Variants in PPFIA2 observed in about 807,000 individuals in gnomAD.
The protein encoded by PPFIA2 is PPFI scaffold protein A2.
PPFIA2 carries 46 observed loss-of-function variants against 175.5 expected under a neutral mutation model. That is an observed-to-expected ratio of 0.26 (90% CI 0.21 to 0.34). The LOEUF (loss-of-function observed/expected upper bound fraction) is 0.34. PPFIA2 is among the 10% of genes least tolerant of loss of function. The pLI is 1.00. For synonymous variants in PPFIA2, 568 were observed against 511.4 expected, an observed-to-expected ratio of 1.11 and a Z score of -1.49; for missense variants, 1,179 against 1,506.1, an observed-to-expected ratio of 0.78 and a Z score of 3.60.
At chr12:81,743,633 T>C (rs1015411236) in intron 3 of PPFIA2, among the ~76,000 whole-genome samples, 1 of 151,790 alleles carries the variant, frequency 6.6e-6, no homozygotes, top group African/African-American at 2.4e-5. Context: ...TGTCCAGGAA[T>C]AGCAAGGAGG....
chr12:81,651,171 A>T lies in PPFIA2; in HGVS notation c.303+25620T>A, dbSNP rs117821511. 9.3e-3 allele frequency among the ~76,000 whole-genome samples: 1,411 copies of T among 152,282 alleles called. 35 individuals are homozygous for T. The highest frequency in any genetic ancestry group is 0.024 in the Admixed American group (373 of 15,300). On this transcript the variant is annotated intron_variant, in intron 4 of 32. Coordinates refer to ENST00000549396, the MANE Select transcript of PPFIA2 (RefSeq NM_003625.5). ...GAGGATATTATAGTTTCATAAAAGG[A>T]TCTTCAGCATAGGGGACATTCCAAA...
At chr12:81,446,298 T>C (rs2051238537) in intron 5 of PPFIA2, among the ~76,000 whole-genome samples, 1 of 152,216 alleles carries the variant, frequency 6.6e-6, no homozygotes, top group Non-Finnish European at 1.5e-5. Context: ...AAGTTAAGGA[T>C]ACAGTTTTAA....
chr12:81,305,946 T>A (rs964611148), intron 22 of PPFIA2, among the ~76,000 whole-genome samples: 1 of 152,192 alleles, frequency 6.6e-6, no homozygotes, highest in Admixed American at 6.5e-5. Context: ...GGATGGTTTA[T>A]CTCTGTCAGT....
chr12:81,710,059 T>A (rs1241306390), intron 3 of PPFIA2, among the ~76,000 whole-genome samples: 1 of 152,070 alleles, frequency 6.6e-6, no homozygotes, highest in African/African-American at 2.4e-5. Flanking sequence ...CCTATTCTTC[T>A]ACTGGAAAGT....
At chr12:81,359,472 T>G (rs931037661) in intron 15 of PPFIA2, among the ~76,000 whole-genome samples, 6 of 151,830 alleles carry the variant, frequency 4.0e-5, no homozygotes, top group Non-Finnish European at 7.4e-5. Flanking sequence ...CTAGGCCATA[T>G]TCATAAAGGA....
intron 24 of PPFIA2, among the ~76,000 whole-genome samples, chr12:81,286,384 C>T (rs571696250): frequency 1.3e-5 from 2 of 152,100 alleles, no homozygotes; most frequent in South Asian, 2.1e-4. Context: ...ACTAAGTGCC[C>T]TATTCACGTG....
At chr12:81,393,733 A>T (rs1435266458) in intron 8 of PPFIA2, among the ~76,000 whole-genome samples, 1 of 152,072 alleles carries the variant, frequency 6.6e-6, no homozygotes, top group Non-Finnish European at 1.5e-5. Context: ...TAAGAGTATG[A>T]ATTTGAACTA....
intron 4 of PPFIA2, among the ~76,000 whole-genome samples, chr12:81,599,184 A>C (rs2059550039): frequency 6.6e-6 from 1 of 152,092 alleles, no homozygotes; most frequent in South Asian, 2.1e-4. Context: ...CTTCAGTAGG[A>C]TAGGAAACAG....
At chr12:81,461,689 C>T (rs962309294) in intron 4 of PPFIA2, among the ~76,000 whole-genome samples, 2 of 152,046 alleles carry the variant, frequency 1.3e-5, no homozygotes, top group Admixed American at 6.6e-5. Flanking sequence ...GATGGTCTAT[C>T]TTCTGCAACT....
intron 5 of PPFIA2, among the ~76,000 whole-genome samples, chr12:81,454,550 T>A (rs1333382702): frequency 6.6e-6 from 1 of 152,226 alleles, no homozygotes; most frequent in Non-Finnish European, 1.5e-5. Context: ...TCATTATTAC[T>A]CTCTATCTTC....
At chr12:81,531,842 T>C (rs1413750647) in intron 4 of PPFIA2, among the ~76,000 whole-genome samples, 2 of 151,846 alleles carry the variant, frequency 1.3e-5, no homozygotes. Flanking sequence ...TTAATAATAA[T>C]GGTACTGGTA....
intron 8 of PPFIA2, among the ~76,000 whole-genome samples, chr12:81,395,059 TC>T (rs1279285088): frequency 6.6e-6 from 1 of 151,964 alleles, no homozygotes; most frequent in African/African-American, 2.4e-5. Flanking sequence ...AAGTAAATCC[TC>T]CCAATCTGTG....
chr12:81,313,619 A>G (rs2051520089), intron 22 of PPFIA2, among the ~76,000 whole-genome samples: 2 of 152,108 alleles, frequency 1.3e-5, no homozygotes, highest in South Asian at 4.1e-4. Context: ...AAATGAAATT[A>G]AGACCAAAAG....
At chr12:81,755,696 TA>T (rs1424947097) in intron 2 of PPFIA2, among the ~76,000 whole-genome samples, 2 of 152,102 alleles carry the variant, frequency 1.3e-5, no homozygotes, top group Non-Finnish European at 2.9e-5. Context: ...TAACCTATAT[TA>T]AAAAATTAAG....
intron 5 of PPFIA2, among the ~76,000 whole-genome samples, chr12:81,452,624 C>A (rs138596680): frequency 1.3e-5 from 2 of 152,264 alleles, no homozygotes; most frequent in African/African-American, 4.8e-5. Context: ...TATGTAGAAT[C>A]TTTATCTGTT....
At chr12:81,462,772 A>T (rs2054885604) in intron 4 of PPFIA2, among the ~76,000 whole-genome samples, 1 of 151,600 alleles carries the variant, frequency 6.6e-6, no homozygotes, top group African/African-American at 2.4e-5. Flanking sequence ...TTGTGATATA[A>T]ATATTTGTGT....
intron 7 of PPFIA2, among the ~76,000 whole-genome samples, chr12:81,425,643 G>A (rs956664250): frequency 6.6e-6 from 1 of 152,074 alleles, no homozygotes; most frequent in African/African-American, 2.4e-5. Flanking sequence ...CAAAGTGCTG[G>A]GATTACGGGC....
intron 4 of PPFIA2, among the ~76,000 whole-genome samples, chr12:81,663,708 CA>C (rs1156916869): frequency 6.6e-6 from 1 of 151,978 alleles, no homozygotes; most frequent in African/African-American, 2.4e-5. Flanking sequence ...CATATGGAAC[CA>C]AAAAAGAGCC....
intron 4 of PPFIA2, among the ~76,000 whole-genome samples, chr12:81,591,404 CG>C (rs1275337423): frequency 6.6e-6 from 1 of 152,144 alleles, no homozygotes; most frequent in Non-Finnish European, 1.5e-5. Flanking sequence ...AAATTCAAGC[CG>C]GCTGCAGGAA....
Sources: gnomAD v4.1 joint callset for allele counts (sites outside exome capture counted in the v4.1 genomes callset) on GRCh38, gnomAD v4.1.1 for gene constraint, MANE v1.5 for transcripts, NCBI Gene and HGNC (gene_info 2026-07-23, HGNC 2026-07-21) for gene names.